The following SCN2A variants were observed in gnomAD, a reference collection of about 807,000 sequenced individuals.
SCN2A encodes sodium channel protein type 2 subunit alpha.
In SCN2A, 20 loss-of-function variants were observed where a neutral mutation model predicts 188.7. That is an observed-to-expected ratio of 0.11 (90% CI 0.07 to 0.15). The LOEUF (loss-of-function observed/expected upper bound fraction) is 0.15. Ranked by LOEUF, SCN2A falls within the 10% of genes least tolerant of loss-of-function variation. The pLI is 1.00. For synonymous variants in SCN2A, 804 were observed against 833.1 expected (o/e 0.97, Z 0.60); for missense variants, 1,278 against 2,445.0 (o/e 0.52, Z 10.07).
At chr2:165,376,248 G>A (rs1277815253) in intron 22 of SCN2A, among the ~76,000 whole-genome samples, 1 of 151,540 alleles carries the variant, frequency 6.6e-6, no homozygotes, top group Non-Finnish European at 1.5e-5. Context: ...CTTAGCTTGA[G>A]TTAGCCATTT....
intron 22 of SCN2A, 86 bp from the exon 23 acceptor site, chr2:165,377,511 T>C (rs1701377287): frequency 8.3e-7 from 1 of 1,201,902 alleles, no homozygotes. Flanking sequence ...TGAATACATG[T>C]CAAATAGAAT....
At chr2:165,256,098 C>T (rs565857713) in intron 1 of SCN2A, among the ~76,000 whole-genome samples, 6 of 150,994 alleles carry the variant, frequency 4.0e-5, no homozygotes, top group East Asian at 2.0e-4. Context: ...CTCCGCCTCC[C>T]GGGTTCAAAC....
rs1468382037 is a variant in SCN2A, at chr2:165,354,334, T to C, written c.3062T>C (p.Ile1021Thr). 1 of 1,613,922 alleles carries C rather than the reference T, an allele frequency of 6.2e-7. No homozygotes were observed. Among genetic ancestry groups the C allele is most frequent in the Non-Finnish European group, 8.5e-7 (1 of 1,180,004 alleles). ...QKGIDFVKRK[I>T]REFIQKAFVR... ...GGAATCGATTTTGTTAAAAGAAAAA[T>C]ACGTGAATTTATTCAGAAAGCCTTT... is the stretch of plus-strand genomic sequence containing the variant. Residue 1021 changes from isoleucine to threonine, a missense_variant, in exon 17 of 27, where the codon ATA becomes ACA. Physicochemically the swap from Ile to Thr is moderately conservative, Grantham distance 89 (BLOSUM62 -1). Coordinates refer to ENST00000375437, the MANE Select transcript of SCN2A (RefSeq NM_001040142.2).
intron 1 of SCN2A, chr2:165,290,568 C>A (rs1007443763): frequency 2.3e-4 from 36 of 158,962 alleles, no homozygotes; most frequent in Non-Finnish European, 4.4e-4. Flanking sequence ...TAATCTTCTC[C>A]CAAAAATATG....
At chr2:165,245,956 C>G (rs1225263652) in intron 1 of SCN2A, among the ~76,000 whole-genome samples, 1 of 152,150 alleles carries the variant, frequency 6.6e-6, no homozygotes, top group Non-Finnish European at 1.5e-5. Flanking sequence ...ACCGAAATCT[C>G]TAATGATTCT....
chr2:165,372,970 T>C (rs921816033), intron 20 of SCN2A: 39 of 360,740 alleles, frequency 1.1e-4, no homozygotes, highest in Non-Finnish European at 1.6e-4. Flanking sequence ...AGCACATATA[T>C]GGGCTTCTTT....
chr2:165,322,087 C>T (rs901715977), intron 11 of SCN2A, among the ~76,000 whole-genome samples: 1 of 152,102 alleles, frequency 6.6e-6, no homozygotes, highest in African/African-American at 2.4e-5. Flanking sequence ...TTACCATGAC[C>T]ATGTCTTTCT....
At chr2:165,253,643 A>G (rs184309589) in intron 1 of SCN2A, among the ~76,000 whole-genome samples, 1 of 152,166 alleles carries the variant, frequency 6.6e-6, no homozygotes, top group African/African-American at 2.4e-5. Context: ...AGCCAAAATT[A>G]TTTACTAAAT....
chr2:165,276,354 G>A (rs1695343541), intron 1 of SCN2A, among the ~76,000 whole-genome samples: 1 of 152,052 alleles, frequency 6.6e-6, no homozygotes, highest in Admixed American at 6.6e-5. Flanking sequence ...TTGGGCCATA[G>A]TACTTTTGTG....
chr2:165,367,126 C>T (rs184250382), intron 18 of SCN2A, 91 bp from the exon 19 acceptor site: 126 of 1,189,384 alleles, frequency 1.1e-4, no homozygotes, highest in Middle Eastern at 9.8e-4. Context: ...AATGTATTAT[C>T]AGGTAATAAT....
chr2:165,308,923 C>A, intron 5 of SCN2A, 129 bp downstream of exon 5: 1 of 1,277,112 alleles, frequency 7.8e-7, no homozygotes, highest in Non-Finnish European at 1.1e-6. Flanking sequence ...TTCTTCCAAT[C>A]AAATTATCCA....
chr2:165,300,568 A>G (rs748776420), intron 3 of SCN2A, among the ~76,000 whole-genome samples: 1 of 152,158 alleles, frequency 6.6e-6, no homozygotes, highest in African/African-American at 2.4e-5. Flanking sequence ...AGAGTGAGAT[A>G]TGGGAATCTA....
At chr2:165,338,659 T>G (rs1408127921) in intron 14 of SCN2A, among the ~76,000 whole-genome samples, 1 of 152,156 alleles carries the variant, frequency 6.6e-6, no homozygotes, top group Non-Finnish European at 1.5e-5. Flanking sequence ...TAGCAAAATA[T>G]TATCAATAAA....
intron 1 of SCN2A, among the ~76,000 whole-genome samples, chr2:165,278,258 C>T (rs1695430847): frequency 6.6e-6 from 1 of 152,152 alleles, no homozygotes; most frequent in Admixed American, 6.5e-5. Context: ...AGTCCATTTT[C>T]TTGCTGCCAT....
intron 1 of SCN2A, among the ~76,000 whole-genome samples, chr2:165,249,044 G>T (rs998520504): frequency 1.3e-5 from 2 of 152,050 alleles, no homozygotes; most frequent in African/African-American, 4.8e-5. Flanking sequence ...AGTTACTGAA[G>T]ACCTTTTCCT....
intron 1 of SCN2A, among the ~76,000 whole-genome samples, chr2:165,277,591 A>G (rs1049698746): frequency 3.9e-5 from 6 of 152,196 alleles, no homozygotes; most frequent in African/African-American, 1.4e-4. Flanking sequence ...CTCTTTAGGC[A>G]TTTATAAGAA....
In SCN2A at chr2:165,314,069, G is replaced by T; in HGVS notation, c.1344G>T (p.Gln448His). Residue 448 changes from glutamine to histidine, a missense_variant, in exon 10 of 27, where the codon CAG becomes CAT. Around this residue, in one of 17 missense-constraint regions of SCN2A, gnomAD observed 315 missense variants for 386.6 expected, o/e 0.81. Transcript: ENST00000375437. ...EAEQKEAEFQ[Q>H]MLEQLKKQQE... Reference sequence around the variant, plus strand: ...AACAGAAGGAAGCTGAATTTCAGCAGATGCTCGAACAGTTGAAAAAGCAAC... The same window carrying T: ...AACAGAAGGAAGCTGAATTTCAGCATATGCTCGAACAGTTGAAAAAGCAAC... The T allele has an allele frequency of 6.2e-7, 1 of 1,613,694 alleles. No individual in the cohort carries two copies. The highest frequency in any genetic ancestry group is 8.5e-7 in the Non-Finnish European group (1 of 1,179,744).
intron 14 of SCN2A, among the ~76,000 whole-genome samples, chr2:165,332,134 T>C (rs1164850857): frequency 6.6e-6 from 1 of 151,906 alleles, no homozygotes; most frequent in Non-Finnish European, 1.5e-5. Flanking sequence ...TATACTATAG[T>C]GATAGATTTT....
chr2:165,371,994 T>A (rs1441292072), intron 20 of SCN2A: 1 of 152,222 alleles, frequency 6.6e-6, no homozygotes, highest in Non-Finnish European at 1.5e-5. Flanking sequence ...CAGTAAATAC[T>A]ACCCCATTCA....
Sources: allele counts gnomAD v4.1 joint callset (sites outside exome capture counted in the v4.1 genomes callset), GRCh38; gene constraint gnomAD v4.1.1; regional missense constraint gnomAD v4.1.1; transcripts MANE v1.5; gene names NCBI Gene and HGNC (gene_info 2026-07-23, HGNC 2026-07-21).